The following ZKSCAN3 variants were observed in gnomAD, a reference collection of about 807,000 sequenced individuals.
ZKSCAN3 encodes zinc finger protein with KRAB and SCAN domains 3.
ZKSCAN3 carries 21 observed loss-of-function variants against 30.7 expected under a neutral mutation model. The ratio of observed to expected loss-of-function variants is 0.68; its 90% CI spans 0.49 to 0.99. The LOEUF is 0.99. Ranked by LOEUF, ZKSCAN3 falls within the 50% of genes least tolerant of loss-of-function variation. The probability of loss-of-function intolerance (pLI) is 0.00; values close to 1 mark genes in which losing one functional copy is unlikely to be tolerated. For synonymous variants in ZKSCAN3, 201 were observed against 246.7 expected (o/e 0.81, Z 1.73); for missense variants, 507 against 647.1 (o/e 0.78, Z 2.35).
chr6:28,362,620 A>G (rs1484445088), intron 3 of ZKSCAN3, among the ~76,000 whole-genome samples: 1 of 152,130 alleles, frequency 6.6e-6, no homozygotes, highest in South Asian at 2.1e-4. Flanking sequence ...AGGAATATAT[A>G]TGCTTCCTGA....
rs774000368 is a variant in ZKSCAN3, at chr6:28,366,020, A to T, written c.1352A>T (p.Asp451Val). 1.2e-6 allele frequency: 2 copies of T among 1,613,092 alleles called. No homozygotes were observed. The highest frequency in any genetic ancestry group is 3.3e-5 in the Admixed American group (2 of 59,754). The stretch of plus-strand genomic sequence containing the variant: ...AGACATCAGAGGATCCATACTGGGG[A>T]TAAAAATGTTCAGGAACCTGAGCAG... ...LLRHQRIHTG[D>V]KNVQEPEQGE... The change falls in exon 6 of 6, where the codon GAT becomes GTT. Residue 451 changes from aspartate (D) to valine (V), a missense_variant. Transcript: ENST00000252211.
In ZKSCAN3 at chr6:28,368,292, A is replaced by C. The variant is rs1766051062; in HGVS notation, c.*2007A>C. 1 of 152,064 alleles carries C rather than the reference A, an allele frequency of 6.6e-6. No individual in the cohort carries two copies. The highest frequency in any genetic ancestry group is 2.1e-4 in the South Asian group (1 of 4,816). The allele number at this position is 152,064 out of a possible 1,614,324, so 9.4% of individuals were successfully genotyped here. On this transcript the variant is annotated 3_prime_UTR_variant, in exon 6 of 6. Coordinates refer to ENST00000252211, the MANE Select transcript of ZKSCAN3 (RefSeq NM_024493.4). ...AGCCACCGCGCCCGGCCCAAGTATC[A>C]CTTATGGTTTCAGAACGCCATTATT...
intron 1 of ZKSCAN3, chr6:28,353,968 ATATGATTT>A: frequency 2.2e-6 from 1 of 454,726 alleles, no homozygotes; most frequent in Non-Finnish European, 4.4e-6. Flanking sequence ...GGCAGGTAAA[ATATGATTT>A]TATTCAGCAG....
In ZKSCAN3 at chr6:28,359,646, G is replaced by A; in HGVS notation, c.60G>A (p.Met20Ile). 1 of 1,614,222 alleles carries A rather than the reference G, an allele frequency of 6.2e-7. No individual in the cohort carries two copies. Among genetic ancestry groups the A allele is most frequent in the African/African-American group, 1.3e-5 (1 of 75,056 alleles). ...ATGCCCAGTCTACAGAAGACCAGAT[G>A]GAGCTTCTGGTCATAAAGGTGGAGG... ...ALDAQSTEDQ[M>I]ELLVIKVEEE... Residue 20 changes from methionine (M) to isoleucine (I), a missense_variant, in exon 2 of 6, where the codon ATG (methionine) becomes ATA (isoleucine). Transcript: ENST00000252211.
At chr6:28,353,723 G>C (rs539518445) in intron 1 of ZKSCAN3, 2 of 419,222 alleles carry the variant, frequency 4.8e-6, no homozygotes, top group Admixed American at 2.6e-5. Flanking sequence ...AAAACCTTGC[G>C]AGTGATTAAA....
chr6:28,354,181 T>TTC (rs1561931146), intron 1 of ZKSCAN3: 4 of 338,240 alleles, frequency 1.2e-5, no homozygotes, highest in East Asian at 7.9e-5. Flanking sequence ...TCAGCAGTTT[T>TTC]TCTCTCTCTC....
At chr6:28,357,689 T>A (rs1237829166) in intron 1 of ZKSCAN3, among the ~76,000 whole-genome samples, 1 of 152,152 alleles carries the variant, frequency 6.6e-6, no homozygotes, top group East Asian at 1.9e-4. Flanking sequence ...AAGGACTTTC[T>A]TTCAAGAAGT....
intron 1 of ZKSCAN3, among the ~76,000 whole-genome samples, chr6:28,355,137 G>T (rs1277754441): frequency 6.6e-6 from 1 of 152,136 alleles, no homozygotes; most frequent in African/African-American, 2.4e-5. Context: ...GGATCTAGGG[G>T]TGCCTCAGGT....
In ZKSCAN3 at chr6:28,359,863, C is replaced by A. The variant is rs781443015; in HGVS notation, c.277C>A (p.Gln93Lys). 4 of 1,614,126 alleles carry A rather than the reference C, an allele frequency of 2.5e-6. No homozygotes were observed. The highest frequency in any genetic ancestry group is 2.5e-6 in the Non-Finnish European group (3 of 1,180,028). Residue 93 changes from glutamine to lysine, a missense_variant, in exon 2 of 6, where the codon CAG becomes AAG. Transcript: ENST00000252211. ...GATCCTGGAGCTGCTGGTGCTGGAG[C>A]AGTTCCTGACCATCCTGCCGGGGAA... ...EQILELLVLEQFLTILPGNLQ... is the reference protein window; with the variant it reads ...EQILELLVLEKFLTILPGNLQ...
intron 4 of ZKSCAN3, 144 bp from the exon 5 acceptor site, chr6:28,363,548 A>C: frequency 7.3e-7 from 1 of 1,377,658 alleles, no homozygotes; most frequent in Non-Finnish European, 1.0e-6. Context: ...TTTATCATTA[A>C]CTTTATTTAG....
rs201554097 is a variant in ZKSCAN3, at chr6:28,358,899, G to GA, written c.-62-601dup. Among the ~76,000 whole-genome samples the GA allele has an allele frequency of 4.5e-3, 475 of 106,030 alleles. 8 individuals are homozygous for GA. The highest frequency in any genetic ancestry group is 3.3e-3 in the African/African-American group (100 of 29,990). 69.6% of individuals were successfully genotyped at this position (106,030 alleles called of 152,430 possible). On this transcript the variant is annotated intron_variant, in intron 1 of 5. Coordinates refer to ENST00000252211, the MANE Select transcript of ZKSCAN3 (RefSeq NM_024493.4). Reference sequence around the variant, plus strand: ...ACTCTGTCTCAAAACAAACAAATAAGAAAAAAAAAAAAAAAAAAAAAAAAA... The same window carrying GA: ...ACTCTGTCTCAAAACAAACAAATAAGAAAAAAAAAAAAAAAAAAAAAAAAAA...
rs765225061 is a variant in ZKSCAN3 at position 28,366,422 on chromosome 6, G to T, written c.*137G>T. 96 of 972,190 alleles carry T rather than the reference G, an allele frequency of 9.9e-5. No homozygotes were observed. Among genetic ancestry groups the T allele is most frequent in the Non-Finnish European group, 1.3e-4 (89 of 698,974 alleles). 60.2% of individuals were successfully genotyped at this position (972,190 alleles called of 1,614,324 possible). ...TATCAGGTGTTAGAAAATGTAGACT[G>T]GGTTAGACAAATTATCTTCTAAGTT... On this transcript the variant is annotated 3_prime_UTR_variant, in exon 6 of 6. Transcript: ENST00000252211.
chr6:28,359,695 A>G lies in ZKSCAN3; in HGVS notation c.109A>G (p.Ser37Gly). The change falls in exon 2 of 6, where the codon AGC (serine) becomes GGC (glycine). Residue 37 changes from serine to glycine, a missense_variant. By Grantham distance (56) the Ser-to-Gly change is moderately conservative. Transcript: ENST00000252211. ...VEEEEAGFPS[S>G]PDLGSEGSRE... ...GGAAGAAGAAGCCGGTTTTCCCAGT[A>G]GCCCAGATCTGGGTTCTGAGGGCTC... 6.2e-7 allele frequency: 1 copy of G among 1,614,242 alleles called. No homozygotes were observed. The highest frequency in any genetic ancestry group is 8.5e-7 in the Non-Finnish European group (1 of 1,180,040).
At chr6:28,357,284 C>T (rs145657043) in intron 1 of ZKSCAN3, among the ~76,000 whole-genome samples, 240 of 152,336 alleles carry the variant, frequency 1.6e-3, no homozygotes, top group African/African-American at 5.1e-3. Flanking sequence ...GAGTTTTATA[C>T]ACTCACTTAC....
chr6:28,361,279 G>A, intron 2 of ZKSCAN3, 45 bp from the exon 3 acceptor site: 1 of 1,601,426 alleles, frequency 6.2e-7, no homozygotes, highest in African/African-American at 1.3e-5. Context: ...TAGTTCTATG[G>A]AAGTGTTTGA....
intron 1 of ZKSCAN3, among the ~76,000 whole-genome samples, chr6:28,358,758 C>A (rs144931476): frequency 0.041 from 6,158 of 152,008 alleles, 179 homozygotes; most frequent in Non-Finnish European, 0.062. Flanking sequence ...GTGGTGCACA[C>A]CTATAATCCC....
chr6:28,357,167 G>T (rs141503563), intron 1 of ZKSCAN3, among the ~76,000 whole-genome samples: 1 of 152,186 alleles, frequency 6.6e-6, no homozygotes, highest in Non-Finnish European at 1.5e-5. Context: ...AATTGTGTGC[G>T]TGCGCTCCAA....
At chr6:28,355,593 A>G (rs1765371453) in intron 1 of ZKSCAN3, 1 of 152,230 alleles carries the variant, frequency 6.6e-6, no homozygotes, top group South Asian at 2.1e-4. Flanking sequence ...TGCCTGCTGA[A>G]TAGCCTGTTT....
chr6:28,360,333 CTT>C (rs1765697599), intron 2 of ZKSCAN3, among the ~76,000 whole-genome samples: 1 of 152,230 alleles, frequency 6.6e-6, no homozygotes, highest in African/African-American at 2.4e-5. Flanking sequence ...ATAAGTATCT[CTT>C]TGCTTGGTTG....
Sources: allele counts gnomAD v4.1 joint callset (sites outside exome capture counted in the v4.1 genomes callset), GRCh38; gene constraint gnomAD v4.1.1; transcripts MANE v1.5; gene names NCBI Gene and HGNC (gene_info 2026-07-23, HGNC 2026-07-21).